The following SH3RF3 variants were observed in gnomAD, a reference collection of about 807,000 sequenced individuals.
SH3RF3 encodes the protein E3 ubiquitin-protein ligase SH3RF3.
Under a neutral mutation model 66.3 loss-of-function variants are expected in SH3RF3, and 29 were observed. That is an observed-to-expected ratio of 0.44 (90% CI 0.33 to 0.60). The LOEUF (loss-of-function observed/expected upper bound fraction) is 0.60. SH3RF3 is among the 20% of genes least tolerant of loss of function. The probability of loss-of-function intolerance (pLI) is 0.04; values close to 1 mark genes in which losing one functional copy is unlikely to be tolerated. For synonymous variants in SH3RF3, 583 were observed against 532.0 expected (o/e 1.10, Z -1.32); for missense variants, 1,194 against 1,190.9 (o/e 1.00, Z -0.04).
intron 1 of SH3RF3, among the ~76,000 whole-genome samples, chr2:109,337,970 G>C (rs1014739063): frequency 6.6e-6 from 1 of 152,096 alleles, no homozygotes; most frequent in Non-Finnish European, 1.5e-5. Flanking sequence ...GAGTTCAAGT[G>C]ATCTGCCTGC....
chr2:109,199,587 T>TTAACC (rs1558953897), intron 1 of SH3RF3, among the ~76,000 whole-genome samples: 89 of 956 alleles, frequency 0.093, no homozygotes, highest in East Asian at 0.14. Context: ...TGGAATGGAA[T>TTAACC]GGAATGGAAT....
At chr2:109,289,492 C>T (rs541148626) in intron 1 of SH3RF3, among the ~76,000 whole-genome samples, 2 of 152,218 alleles carry the variant, frequency 1.3e-5, no homozygotes, top group South Asian at 2.1e-4. Flanking sequence ...TGCTCTTATA[C>T]GCACTCTTGG....
chr2:109,492,095 T>G (rs1324010840), intron 9 of SH3RF3, among the ~76,000 whole-genome samples: 1 of 152,214 alleles, frequency 6.6e-6, no homozygotes, highest in East Asian at 1.9e-4. Context: ...TCCTCTGCCT[T>G]CACGGTGGAA....
At chr2:109,302,392 A>G (rs1681490553) in intron 1 of SH3RF3, among the ~76,000 whole-genome samples, 1 of 152,254 alleles carries the variant, frequency 6.6e-6, no homozygotes, top group African/African-American at 2.4e-5. Context: ...CATGCTGACC[A>G]TACCCAAACA....
At chr2:109,303,216 T>C (rs369846694) in intron 1 of SH3RF3, among the ~76,000 whole-genome samples, 2 of 152,104 alleles carry the variant, frequency 1.3e-5, no homozygotes, top group Non-Finnish European at 2.9e-5. Flanking sequence ...CCAAAGAACT[T>C]TGGGAGAGAT....
intron 5 of SH3RF3, among the ~76,000 whole-genome samples, chr2:109,421,428 C>T (rs751693031): frequency 6.6e-6 from 1 of 152,214 alleles, no homozygotes; most frequent in Non-Finnish European, 1.5e-5. Context: ...GCTTAGCCAC[C>T]CAAGAAGGCT....
chr2:109,140,031 C>T (rs1676909297), intron 1 of SH3RF3, among the ~76,000 whole-genome samples: 1 of 152,130 alleles, frequency 6.6e-6, no homozygotes, highest in East Asian at 1.9e-4. Context: ...TGAAACTGTG[C>T]CTACATAACT....
At chr2:109,147,494 C>G (rs187725577) in intron 1 of SH3RF3, among the ~76,000 whole-genome samples, 1 of 152,176 alleles carries the variant, frequency 6.6e-6, no homozygotes, top group African/African-American at 2.4e-5. Context: ...GTCAACAGAT[C>G]TGATAAGAAG....
chr2:109,160,047 TC>T (rs1256599381), intron 1 of SH3RF3, among the ~76,000 whole-genome samples: 1 of 152,222 alleles, frequency 6.6e-6, no homozygotes, highest in Non-Finnish European at 1.5e-5. Flanking sequence ...AAAGTCATCT[TC>T]CATGAAACCA....
chr2:109,243,998 G>A (rs781085217), intron 1 of SH3RF3, among the ~76,000 whole-genome samples: 1 of 152,202 alleles, frequency 6.6e-6, no homozygotes, highest in Non-Finnish European at 1.5e-5. Flanking sequence ...GTGCTCATAG[G>A]TGAAGTTTTT....
intron 5 of SH3RF3, among the ~76,000 whole-genome samples, chr2:109,427,074 T>C (rs911158280): frequency 5.3e-5 from 8 of 152,092 alleles, no homozygotes; most frequent in Admixed American, 3.9e-4. Context: ...GTTCAAGCGA[T>C]TCTCTGGCCC....
intron 1 of SH3RF3, among the ~76,000 whole-genome samples, chr2:109,145,288 T>C (rs953502603): frequency 1.3e-5 from 2 of 152,162 alleles, no homozygotes; most frequent in Non-Finnish European, 2.9e-5. Context: ...AAATGCTGTT[T>C]GGTGGTTACA....
intron 9 of SH3RF3, among the ~76,000 whole-genome samples, chr2:109,500,209 G>C (rs1015379690): frequency 3.9e-5 from 6 of 152,298 alleles, no homozygotes; most frequent in Admixed American, 2.0e-4. Flanking sequence ...TATGTTAGTG[G>C]TTGTTCAAGT....
intron 3 of SH3RF3, among the ~76,000 whole-genome samples, chr2:109,388,487 G>A (rs771081525): frequency 1.6e-4 from 24 of 152,148 alleles, no homozygotes; most frequent in Non-Finnish European, 3.2e-4. Flanking sequence ...AGGCCCCCCA[G>A]GTACTCTCAG....
chr2:109,136,402 A>G (rs1676815548), intron 1 of SH3RF3, among the ~76,000 whole-genome samples: 1 of 152,174 alleles, frequency 6.6e-6, no homozygotes, highest in Admixed American at 6.5e-5. Context: ...TTAACTTTAA[A>G]AGAACAGGGT....
At chr2:109,477,170 T>G (rs922200177) in intron 8 of SH3RF3, among the ~76,000 whole-genome samples, 1 of 152,180 alleles carries the variant, frequency 6.6e-6, no homozygotes. Context: ...TGAATGACCG[T>G]TGGCCTAGGA....
chr2:109,274,749 A>C (rs1680712790), intron 1 of SH3RF3, among the ~76,000 whole-genome samples: 1 of 152,168 alleles, frequency 6.6e-6, no homozygotes, highest in South Asian at 2.1e-4. Flanking sequence ...AATGCCATTA[A>C]ATTGTTCACT....
chr2:109,375,719 G>A lies in SH3RF3; in HGVS notation c.945+4038G>A, dbSNP rs1235454818. ...CTGCCCTCTCTGTGGCATGAGTGCCGGGGCTGAGCACCCCTGCAGCCCCCC... is the reference window on the plus strand; with the variant it reads ...CTGCCCTCTCTGTGGCATGAGTGCCAGGGCTGAGCACCCCTGCAGCCCCCC... On this transcript the variant is annotated intron_variant, in intron 3 of 9. Coordinates refer to ENST00000309415, the MANE Select transcript of SH3RF3 (RefSeq NM_001099289.3). Among the ~76,000 whole-genome samples, 6 of 152,232 alleles carry A rather than the reference G, an allele frequency of 3.9e-5. No homozygotes were observed. The East Asian group carries it at 7.7e-4, about 20-fold the overall frequency.
At chr2:109,260,552 C>T (rs183787352) in intron 1 of SH3RF3, among the ~76,000 whole-genome samples, 3 of 152,196 alleles carry the variant, frequency 2.0e-5, no homozygotes, top group Non-Finnish European at 2.9e-5. Context: ...CACAGGGACA[C>T]CTTGGTCATA....
Sources: gnomAD v4.1 joint callset for allele counts (sites outside exome capture counted in the v4.1 genomes callset) on GRCh38, gnomAD v4.1.1 for gene constraint, MANE v1.5 for transcripts, NCBI Gene and HGNC (gene_info 2026-07-23, HGNC 2026-07-21) for gene names.